GPR173: variants seen among roughly 807,000 people sequenced by gnomAD.
The protein encoded by GPR173 is probable G protein-coupled receptor 173.
A neutral mutation model predicts 13.9 loss-of-function variants in GPR173; 2 were observed. That is an observed-to-expected ratio of 0.14 (90% CI 0.06 to 0.45). The LOEUF is 0.45. Among genes scored for constraint, GPR173 ranks in the 20% least tolerant of loss-of-function variants. The pLI is 0.98. For missense variants in GPR173, 202 were observed against 340.5 expected, an observed-to-expected ratio of 0.59 and a Z score of 3.20; for synonymous variants, 131 against 141.0, an observed-to-expected ratio of 0.93 and a Z score of 0.50.
At chrX:53,051,758 A>G (rs1556802712) in intron 1 of GPR173, among the ~76,000 whole-genome samples, 1 of 110,444 alleles carries the variant, frequency 9.1e-6, no homozygotes, top group Non-Finnish European at 1.9e-5. Context: ...TATGTGTATG[A>G]GTGTGTGGGT....
intron 1 of GPR173, among the ~76,000 whole-genome samples, chrX:53,073,317 G>A (rs931065302): frequency 9.1e-6 from 1 of 109,691 alleles, no homozygotes; most frequent in Non-Finnish European, 1.9e-5. Flanking sequence ...TTCCTGGGAG[G>A]GAGGGAGTAG....
chrX:53,067,658 T>C (rs1450588961), intron 1 of GPR173, among the ~76,000 whole-genome samples: 1 of 110,722 alleles, frequency 9.0e-6, no homozygotes, highest in African/African-American at 3.3e-5. Flanking sequence ...ACCCCGTCTC[T>C]ACTAAAATAC....
chrX:53,072,420 T>TC (rs1932273530), intron 1 of GPR173, among the ~76,000 whole-genome samples: 5 of 85,165 alleles, frequency 5.9e-5, no homozygotes, highest in African/African-American at 2.2e-4. Context: ...CTCTCTCTAT[T>TC]TCTCTCCCTT....
At position 53,077,990 on chromosome X, in the gene GPR173, C is replaced by CA; in HGVS notation, c.*249dup. ...TCCGCTGCCTCCTTCTCCACTTCTA[C>CA]AATCTCATTCTCTCTCTCTCTCTCT... is the stretch of plus-strand genomic sequence containing the variant. On this transcript the variant is annotated 3_prime_UTR_variant, in exon 2 of 2. Transcript: ENST00000332582. 7.9e-6 allele frequency: 3 copies of CA among 377,702 alleles called. No homozygotes were observed. The highest frequency in any genetic ancestry group is 1.4e-5 in the Non-Finnish European group (3 of 214,461). The allele number at this position is 377,702 out of a possible 1,213,427, so 31.1% of individuals were successfully genotyped here. A position where few individuals can be genotyped will look rare whatever the true frequency, so the allele number is the denominator to read the frequency against.
At position 53,076,917 on chromosome X, in the gene GPR173, T is replaced by C. The variant is rs1556805900; in HGVS notation, c.296T>C (p.Val99Ala). ...WTFSALSCKIVAFMAVLFCFH... is the reference protein window; with the variant it reads ...WTFSALSCKIAAFMAVLFCFH... ...TTCAGTGCACTCAGCTGCAAGATTG[T>C]GGCCTTTATGGCCGTGCTCTTTTGC... The change falls in exon 2 of 2, where the codon GTG becomes GCG. Residue 99 changes from valine (V) to alanine (A), a missense_variant. By Grantham distance (64) the Val-to-Ala change is moderately conservative. Around this residue, in one of 3 missense-constraint regions of GPR173, gnomAD observed 98 missense variants for 137.2 expected, o/e 0.71. Transcript: ENST00000332582. 8.3e-7 allele frequency: 1 copy of C among 1,209,116 alleles called. No homozygotes were observed. Among genetic ancestry groups the C allele is most frequent in the Admixed American group, 2.2e-5 (1 of 46,133 alleles).
At chrX:53,055,004 G>A (rs1932013751) in intron 1 of GPR173, among the ~76,000 whole-genome samples, 1 of 109,337 alleles carries the variant, frequency 9.1e-6, no homozygotes, top group Non-Finnish European at 1.9e-5. Flanking sequence ...GGGTGGGGGT[G>A]TATATAATTG....
chrX:53,073,468 G>A (rs1251537592), intron 1 of GPR173, among the ~76,000 whole-genome samples: 1 of 110,138 alleles, frequency 9.1e-6, no homozygotes, highest in East Asian at 2.9e-4. Flanking sequence ...CCACACTCCC[G>A]GAGCTCTCCT....
intron 1 of GPR173, among the ~76,000 whole-genome samples, chrX:53,067,716 C>T (rs1205233745): frequency 1.9e-5 from 2 of 107,087 alleles, no homozygotes; most frequent in Admixed American, 1.0e-4. Flanking sequence ...CCCAGCTACT[C>T]GGGAGGCTGA....
rs1675747053 is a variant in GPR173 at position 53,048,792 on chromosome X, C to A, written c.-790C>A. Among the ~76,000 whole-genome samples, 1 of 111,218 alleles carries A rather than the reference C, an allele frequency of 9.0e-6. No individual in the cohort carries two copies. The highest frequency in any genetic ancestry group is 2.9e-4 in the East Asian group (1 of 3,455). ...GGCCAGCCTCTCTCTCCACCCCACC[C>A]CCTCTTTCTGGCGTCCATCCCCTCC... is the stretch of plus-strand genomic sequence containing the variant. On this transcript the variant is annotated 5_prime_UTR_variant, in exon 1 of 2. Transcript: ENST00000332582.
Position 53,077,353 on chromosome X carries a change from C to T in GPR173, c.732C>T (p.Asn244=). 8.3e-7 allele frequency: 1 copy of T among 1,198,419 alleles called. No individual in the cohort carries two copies. Among genetic ancestry groups the T allele is most frequent in the Non-Finnish European group, 1.1e-6 (1 of 888,629 alleles). The change falls in exon 2 of 2, where the codon AAC becomes AAT. Residue 244 remains asparagine (N), a synonymous_variant. Transcript: ENST00000332582. ...GGGCCACCGGCCAGGCTGCTGCCAA[C>T]TGGATCGCCGGCTTTGGCCGTGGGC... The part of the protein sequence containing the change: ...GPGATGQAAA[N]WIAGFGRGPM...
intron 1 of GPR173, among the ~76,000 whole-genome samples, chrX:53,052,604 T>C (rs73634278): frequency 0.22 from 16,899 of 77,123 alleles, 1,255 homozygotes; most frequent in African/African-American, 0.37. Context: ...CACACACACG[T>C]GTGTGTGTGT....
intron 1 of GPR173, among the ~76,000 whole-genome samples, chrX:53,068,903 T>C (rs1440797679): frequency 9.5e-6 from 1 of 105,148 alleles, no homozygotes; most frequent in East Asian, 2.9e-4. Context: ...CAGTGAGCTA[T>C]GATTACACCA....
intron 1 of GPR173, among the ~76,000 whole-genome samples, chrX:53,073,117 C>G (rs1423375236): frequency 9.2e-6 from 1 of 108,363 alleles, no homozygotes; most frequent in Non-Finnish European, 1.9e-5. Context: ...TCCGGCTACT[C>G]GGGAGGCTGA....
intron 1 of GPR173, among the ~76,000 whole-genome samples, chrX:53,054,235 G>A (rs1472021496): frequency 1.2e-4 from 13 of 110,968 alleles, no homozygotes; most frequent in Non-Finnish European, 2.5e-4. Context: ...CATGGGCCGG[G>A]TGCGGTGGCT....
chrX:53,062,493 G>A (rs1602090946), intron 1 of GPR173, among the ~76,000 whole-genome samples: 3 of 88,532 alleles, frequency 3.4e-5, no homozygotes, highest in Middle Eastern at 0.013. Flanking sequence ...CCAAAAGGGA[G>A]AAATAAGCAA....
At chrX:53,073,221 T>TAA (rs75150142) in intron 1 of GPR173, among the ~76,000 whole-genome samples, 37 of 70,435 alleles carry the variant, frequency 5.3e-4, no homozygotes, top group African/African-American at 1.8e-3. Flanking sequence ...GGAGACTGTC[T>TAA]AAAAAAAAAA....
intron 1 of GPR173, among the ~76,000 whole-genome samples, chrX:53,072,944 C>G (rs1046951671): frequency 9.0e-6 from 1 of 111,075 alleles, no homozygotes; most frequent in Non-Finnish European, 1.9e-5. Context: ...AAGCCTGGCT[C>G]GGGCGCAGTG....
intron 1 of GPR173, among the ~76,000 whole-genome samples, chrX:53,061,586 G>T (rs1426697806): frequency 9.0e-6 from 1 of 111,342 alleles, no homozygotes; most frequent in Non-Finnish European, 1.9e-5. Context: ...GAGGGTTAGG[G>T]GTACTAGAGT....
At position 53,049,935 on chromosome X, in the gene GPR173, G is replaced by GGTGTGTGT. The variant is rs782209160; in HGVS notation, c.-98+485_-98+492dup. Reference sequence around the variant, plus strand: ...TCCAGGATCCCTGGCCTGCTGGCCGGGTGTGTGTGTGTGTGTGTGTGTGTG... The same window carrying GGTGTGTGT: ...TCCAGGATCCCTGGCCTGCTGGCCGGGTGTGTGTGTGTGTGTGTGTGTGTGTGTGTGTG... On this transcript the variant is annotated intron_variant, in intron 1 of 1. Coordinates refer to ENST00000332582, the MANE Select transcript of GPR173 (RefSeq NM_018969.6). Among the ~76,000 whole-genome samples the GGTGTGTGT allele has an allele frequency of 1.9e-3, 173 of 93,010 alleles. 1 individual carries two copies. The highest frequency in any genetic ancestry group is 4.5e-3 in the Admixed American group (39 of 8,657). The allele number at this position is 93,010 out of a possible 115,157, so 80.8% of individuals were successfully genotyped here.
Sources: allele counts gnomAD v4.1 joint callset (sites outside exome capture counted in the v4.1 genomes callset), GRCh38; gene constraint gnomAD v4.1.1; regional missense constraint gnomAD v4.1.1; transcripts MANE v1.5; gene names NCBI Gene and HGNC (gene_info 2026-07-23, HGNC 2026-07-21).